Variants in TAOK1 observed in about 807,000 individuals in gnomAD.
TAOK1 encodes TAO kinase 1.
TAOK1 carries 21 observed loss-of-function variants against 138.3 expected under a neutral mutation model. That is an observed-to-expected ratio of 0.15 (90% CI 0.11 to 0.22). The LOEUF is 0.22. Among genes scored for constraint, TAOK1 ranks in the 10% least tolerant of loss-of-function variants. The pLI is 1.00. For missense variants in TAOK1, 651 were observed against 1,227.7 expected, an observed-to-expected ratio of 0.53 and a Z score of 7.02; for synonymous variants, 361 against 398.4, an observed-to-expected ratio of 0.91 and a Z score of 1.12.
chr17:29,528,340 G>T (rs1012026529), intron 17 of TAOK1, among the ~76,000 whole-genome samples: 5 of 152,058 alleles, frequency 3.3e-5, no homozygotes, highest in East Asian at 1.9e-4. Context: ...GAGCCACCAC[G>T]CCTGGCCAAG....
chr17:29,533,106 T>TAC (rs1396817589), intron 18 of TAOK1, among the ~76,000 whole-genome samples: 1 of 130,556 alleles, frequency 7.7e-6, no homozygotes, highest in Non-Finnish European at 1.7e-5. Flanking sequence ...GCGGAGGGGC[T>TAC]TCTCACTTCT....
intron 8 of TAOK1, 79 bp downstream of exon 8, chr17:29,482,367 T>C: frequency 3.6e-6 from 4 of 1,097,814 alleles, no homozygotes; most frequent in South Asian, 2.9e-5. Flanking sequence ...CTATAAAAAT[T>C]ATAGATTTTT....
rs565419616 is a variant in TAOK1 at position 29,453,105 on chromosome 17, GA to G, written c.132+1426del. Among the ~76,000 whole-genome samples, 227 of 151,026 alleles carry G rather than the reference GA, an allele frequency of 1.5e-3. 3 individuals carry two copies. Among genetic ancestry groups the G allele is most frequent in the South Asian group, 8.4e-4 (4 of 4,788 alleles). On this transcript the variant is annotated intron_variant, in intron 2 of 19. Coordinates refer to ENST00000261716, the MANE Select transcript of TAOK1 (RefSeq NM_020791.4). ...TATGTCTATGGATTTGCCTATTCTG[GA>G]TACTTCATAAAAAAGAAATCGTACA...
chr17:29,518,728 T>C (rs186615639), intron 16 of TAOK1, among the ~76,000 whole-genome samples: 37 of 122,330 alleles, frequency 3.0e-4, no homozygotes, highest in South Asian at 1.7e-3. Flanking sequence ...TTTAAAATGT[T>C]GATTTTTATT....
In TAOK1 at chr17:29,451,431, CTTTT is replaced by C; in HGVS notation, c.-94-18_-94-15del. On this transcript the variant is annotated intron_variant, in intron 1 of 19. Transcript: ENST00000261716. ...TCTTAGCAGTTTTTGCCTTTTCTGA[CTTTT>C]TTTTTCTATTTTTCTACAGTAGTTT... 7.7e-7 allele frequency: 1 copy of C among 1,296,018 alleles called. No homozygotes were observed. The highest frequency in any genetic ancestry group is 2.6e-5 in the East Asian group (1 of 38,748). 80.3% of individuals were successfully genotyped at this position (1,296,018 alleles called of 1,614,324 possible).
At chr17:29,537,748 C>T (rs538904124) in intron 19 of TAOK1, among the ~76,000 whole-genome samples, 1 of 151,724 alleles carries the variant, frequency 6.6e-6, no homozygotes, top group East Asian at 1.9e-4. Flanking sequence ...ATCCAAATTA[C>T]AGGAAAAAAA....
intron 2 of TAOK1, among the ~76,000 whole-genome samples, chr17:29,451,949 C>T (rs1327811149): frequency 6.6e-6 from 1 of 152,140 alleles, no homozygotes; most frequent in South Asian, 2.1e-4. Flanking sequence ...GGCTTGGTGG[C>T]TCACGCCTGT....
At position 29,503,863 on chromosome 17, in the gene TAOK1, C is replaced by T. The variant is rs544344458; in HGVS notation, c.1338+1140C>T. On this transcript the variant is annotated intron_variant, in intron 13 of 19. Transcript: ENST00000261716. ...CGGTAGCTCACACCTCTAATCCCAGCAATTTGGGAGGCTGAAGTAAGTGGA... is the reference window on the plus strand; with the variant it reads ...CGGTAGCTCACACCTCTAATCCCAGTAATTTGGGAGGCTGAAGTAAGTGGA... Among the ~76,000 whole-genome samples the T allele has an allele frequency of 1.8e-4, 28 of 152,170 alleles. No homozygotes were observed. In the South Asian group the frequency reaches 5.6e-3, roughly 30 times the overall value.
chr17:29,466,247 G>T (rs953499816), intron 2 of TAOK1, among the ~76,000 whole-genome samples: 1 of 152,056 alleles, frequency 6.6e-6, no homozygotes, highest in Non-Finnish European at 1.5e-5. Context: ...AGTTTCAAGC[G>T]ATTCTCCTGT....
intron 1 of TAOK1, among the ~76,000 whole-genome samples, chr17:29,397,781 G>T (rs1028050472): frequency 2.1e-5 from 3 of 142,058 alleles, no homozygotes; most frequent in African/African-American, 5.4e-5. Flanking sequence ...ATGTATATTC[G>T]TGTGTATATA....
At chr17:29,414,028 G>A (rs955415842) in intron 1 of TAOK1, among the ~76,000 whole-genome samples, 1 of 149,582 alleles carries the variant, frequency 6.7e-6, no homozygotes, top group African/African-American at 2.5e-5. Context: ...GACTATAGGC[G>A]CCTGCCACAA....
At chr17:29,413,474 T>C (rs1276533517) in intron 1 of TAOK1, among the ~76,000 whole-genome samples, 1 of 152,128 alleles carries the variant, frequency 6.6e-6, no homozygotes, top group Non-Finnish European at 1.5e-5. Flanking sequence ...CATGTGTCTG[T>C]AGTCCCAGCT....
chr17:29,418,359 C>CT (rs35510483), intron 1 of TAOK1, among the ~76,000 whole-genome samples: 102 of 152,054 alleles, frequency 6.7e-4, no homozygotes, highest in Non-Finnish European at 1.3e-3. Flanking sequence ...AATTTTTAAA[C>CT]TTTTTTTATT....
chr17:29,548,186 T>A lies in TAOK1; in HGVS notation c.*5164T>A, dbSNP rs2075640914. On this transcript the variant is annotated 3_prime_UTR_variant, in exon 20 of 20. Coordinates refer to ENST00000261716, the MANE Select transcript of TAOK1 (RefSeq NM_020791.4). The stretch of plus-strand genomic sequence containing the variant: ...CTCATACAAGGGAAGAGACTCCATT[T>A]AGCTTAACGGTAGTCTTTAGATCAT... 6.6e-6 allele frequency: 1 copy of A among 152,170 alleles called. No individual in the cohort carries two copies. Among genetic ancestry groups the A allele is most frequent in the Non-Finnish European group, 1.5e-5 (1 of 68,008 alleles). The allele number at this position is 152,170 out of a possible 1,614,324, so 9.4% of individuals were successfully genotyped here. A position where few individuals can be genotyped will look rare whatever the true frequency, so the allele number is the denominator to read the frequency against.
At chr17:29,435,112 T>C (rs774023293) in intron 1 of TAOK1, among the ~76,000 whole-genome samples, 39 of 145,564 alleles carry the variant, frequency 2.7e-4, no homozygotes, top group Non-Finnish European at 5.3e-4. Context: ...TCCCATCACC[T>C]GGAAGAATTT....
At chr17:29,489,016 A>T (rs1016635584) in intron 8 of TAOK1, among the ~76,000 whole-genome samples, 1 of 152,262 alleles carries the variant, frequency 6.6e-6, no homozygotes, top group African/African-American at 2.4e-5. Context: ...TTATTGGGAC[A>T]TCTGAATGAA....
chr17:29,451,420 G>T (rs1029116649), intron 1 of TAOK1, 35 bp from the exon 2 acceptor site: 4 of 1,077,376 alleles, frequency 3.7e-6, no homozygotes, highest in Non-Finnish European at 5.1e-6. Flanking sequence ...AGCAGTTTTT[G>T]CCTTTTCTGA....
rs1005770321 is a variant in TAOK1, at chr17:29,437,056, TTTTG to T, written c.-94-14379_-94-14376del. On this transcript the variant is annotated intron_variant, in intron 1 of 19. Transcript: ENST00000261716. Reference sequence around the variant, plus strand: ...AAAGTTTAAAGAAGAAAAAAACCTTTTTTGTTTGTTTGTTTGTTTGTTTTTGATA... The same window carrying T: ...AAAGTTTAAAGAAGAAAAAAACCTTTTTTGTTTGTTTGTTTGTTTTTGATA... Among the ~76,000 whole-genome samples, 18 of 152,144 alleles carry T rather than the reference TTTTG, an allele frequency of 1.2e-4. No homozygotes were observed. In the East Asian group the frequency reaches 1.5e-3, roughly 13 times the overall value.
chr17:29,533,779 G>T (rs1462425222), intron 18 of TAOK1, among the ~76,000 whole-genome samples: 1 of 55,366 alleles, frequency 1.8e-5, no homozygotes, highest in Non-Finnish European at 3.5e-5. Flanking sequence ...GCAGTGAGCC[G>T]AGATGGCAGC....
Sources: gnomAD v4.1 joint callset for allele counts (sites outside exome capture counted in the v4.1 genomes callset) on GRCh38, gnomAD v4.1.1 for gene constraint, MANE v1.5 for transcripts, NCBI Gene and HGNC (gene_info 2026-07-23, HGNC 2026-07-21) for gene names.